Variants in THSD4 observed in about 807,000 individuals in gnomAD.
The protein encoded by THSD4 is thrombospondin type 1 domain containing 4.
Under a neutral mutation model 119.0 loss-of-function variants are expected in THSD4, and 69 were observed. That is an observed-to-expected ratio of 0.58 (90% CI 0.48 to 0.71). The LOEUF (loss-of-function observed/expected upper bound fraction) is 0.71. Ranked by LOEUF, THSD4 falls within the 30% of genes least tolerant of loss-of-function variation. The probability of loss-of-function intolerance (pLI) is 0.00; values close to 1 mark genes in which losing one functional copy is unlikely to be tolerated. For synonymous variants in THSD4, 524 were observed against 540.4 expected (o/e 0.97, Z 0.42); for missense variants, 1,393 against 1,391.1 (o/e 1.00, Z -0.02).
chr15:71,181,811 T>C (rs564101640), intron 3 of THSD4, among the ~76,000 whole-genome samples: 1 of 152,188 alleles, frequency 6.6e-6, no homozygotes, highest in African/African-American at 2.4e-5. Context: ...TCCTCTTCCA[T>C]CAAGGCAGAT....
chr15:71,703,777 G>T (rs1595877034), intron 8 of THSD4, among the ~76,000 whole-genome samples: 1 of 152,180 alleles, frequency 6.6e-6, no homozygotes, highest in Non-Finnish European at 1.5e-5. Flanking sequence ...CCTGTCTCTG[G>T]TGAGGGGCAA....
At chr15:71,406,947 G>T (rs183611608) in intron 6 of THSD4, among the ~76,000 whole-genome samples, 3 of 152,094 alleles carry the variant, frequency 2.0e-5, no homozygotes, top group Non-Finnish European at 4.4e-5. Flanking sequence ...GCCTTCTAAA[G>T]TGTTGGGATT....
At chr15:71,168,690 G>A (rs1335493157) in intron 3 of THSD4, among the ~76,000 whole-genome samples, 2 of 152,174 alleles carry the variant, frequency 1.3e-5, no homozygotes, top group Non-Finnish European at 2.9e-5. Context: ...TGGGTTACAG[G>A]CACTATTAAT....
intron 7 of THSD4, among the ~76,000 whole-genome samples, chr15:71,486,354 G>A (rs752872980): frequency 7.9e-5 from 12 of 152,104 alleles, no homozygotes; most frequent in South Asian, 2.1e-4. Context: ...GAAATTTTCC[G>A]AGGCCCAGCT....
At chr15:71,247,340 A>G (rs1352005497) in intron 5 of THSD4, among the ~76,000 whole-genome samples, 1 of 152,094 alleles carries the variant, frequency 6.6e-6, no homozygotes, top group Non-Finnish European at 1.5e-5. Flanking sequence ...TAAGCATAAC[A>G]TTGACGTTGA....
chr15:71,689,696 C>T (rs560487589), intron 8 of THSD4, among the ~76,000 whole-genome samples: 3 of 152,162 alleles, frequency 2.0e-5, no homozygotes, highest in African/African-American at 7.2e-5. Flanking sequence ...TTTCTGCATC[C>T]ATAAAATGGA....
At chr15:71,659,474 A>G (rs1249434963) in intron 7 of THSD4, among the ~76,000 whole-genome samples, 1 of 152,172 alleles carries the variant, frequency 6.6e-6, no homozygotes, top group African/African-American at 2.4e-5. Context: ...GCTGGAGTAC[A>G]ATGATGCAAT....
chr15:71,500,944 G>C (rs968363543), intron 7 of THSD4, among the ~76,000 whole-genome samples: 1 of 152,140 alleles, frequency 6.6e-6, no homozygotes, highest in African/African-American at 2.4e-5. Context: ...TCTCAAGATC[G>C]TTTTGTCTAT....
At chr15:71,464,476 C>G (rs2047472472) in intron 7 of THSD4, among the ~76,000 whole-genome samples, 1 of 152,158 alleles carries the variant, frequency 6.6e-6, no homozygotes, top group Non-Finnish European at 1.5e-5. Context: ...AGATGCTCAC[C>G]ATCAAGGGTC....
Position 71,627,182 on chromosome 15 carries a change from G to T in THSD4, c.1153-33348G>T, listed in dbSNP as rs527764940. 3.9e-5 allele frequency among the ~76,000 whole-genome samples: 6 copies of T among 152,192 alleles called. 1 individual carries two copies. Among genetic ancestry groups the T allele is most frequent in the Admixed American group, 3.3e-4 (5 of 15,286 alleles). ...TGCTGGGCAGAGGACTGTCAGAATA[G>T]ATGTCTGTGTGAAGGGGAGTTAAAT... On this transcript the variant is annotated intron_variant, in intron 7 of 17. Coordinates refer to ENST00000261862, the MANE Select transcript of THSD4 (RefSeq NM_024817.3).
At chr15:71,255,276 G>C (rs1440420855) in intron 5 of THSD4, among the ~76,000 whole-genome samples, 1 of 152,060 alleles carries the variant, frequency 6.6e-6, no homozygotes, top group South Asian at 2.1e-4. Flanking sequence ...CTTAAACAGA[G>C]TATAGCTTGG....
chr15:71,610,683 A>G (rs1023897913), intron 7 of THSD4, among the ~76,000 whole-genome samples: 5 of 152,206 alleles, frequency 3.3e-5, no homozygotes, highest in African/African-American at 9.6e-5. Context: ...ACATACATAC[A>G]TATTTACTGC....
chr15:71,241,275 T>G (rs1207941422), intron 4 of THSD4, among the ~76,000 whole-genome samples: 1 of 152,256 alleles, frequency 6.6e-6, no homozygotes, highest in Non-Finnish European at 1.5e-5. Context: ...ATCTTAAAAG[T>G]AAGTAAGAGT....
chr15:71,731,171 G>A lies in THSD4; in HGVS notation c.1584G>A (p.Met528Ile). Residue 528 changes from methionine (M) to isoleucine (I), a missense_variant, in exon 10 of 18, where the codon ATG becomes ATA. Met to Ile is a conservative substitution (Grantham distance 10). Transcript: ENST00000261862. ...NPGVHYEYVI[M>I]GTNAISPQVP... Reference sequence around the variant, plus strand: ...GCGTGCACTACGAGTACGTGATCATGGGGACCAACGCCATCAGCCCCCAGG... The same window carrying A: ...GCGTGCACTACGAGTACGTGATCATAGGGACCAACGCCATCAGCCCCCAGG... 1.2e-6 allele frequency: 2 copies of A among 1,614,142 alleles called. No homozygotes were observed. Among genetic ancestry groups the A allele is most frequent in the East Asian group, 4.5e-5 (2 of 44,878 alleles).
At chr15:71,328,797 T>C (rs2045381233) in intron 6 of THSD4, among the ~76,000 whole-genome samples, 1 of 152,244 alleles carries the variant, frequency 6.6e-6, no homozygotes, top group African/African-American at 2.4e-5. Context: ...TAAAAAGTTA[T>C]GGCCCTCTGC....
At chr15:71,186,601 G>A (rs1010366011) in intron 3 of THSD4, 3 of 152,252 alleles carry the variant, frequency 2.0e-5, no homozygotes, top group African/African-American at 7.2e-5. Context: ...TGAGTTCTTA[G>A]TCTTCCAAGC....
intron 7 of THSD4, among the ~76,000 whole-genome samples, chr15:71,518,095 A>G (rs2048386109): frequency 6.6e-6 from 1 of 152,226 alleles, no homozygotes; most frequent in East Asian, 1.9e-4. Context: ...GAAGTGCAAG[A>G]TGCTCTGGGG....
intron 7 of THSD4, among the ~76,000 whole-genome samples, chr15:71,531,043 T>A (rs1180373330): frequency 6.6e-6 from 1 of 151,574 alleles, no homozygotes; most frequent in East Asian, 1.9e-4. Flanking sequence ...CCTGAAGGAG[T>A]GGTCCTTGGC....
At chr15:71,265,815 C>G (rs748395878) in intron 6 of THSD4, among the ~76,000 whole-genome samples, 2 of 152,248 alleles carry the variant, frequency 1.3e-5, no homozygotes, top group Admixed American at 6.5e-5. Context: ...GTTAGTTTTC[C>G]CCTCACAATG....
Sources: gnomAD v4.1 joint callset for allele counts (sites outside exome capture counted in the v4.1 genomes callset) on GRCh38, gnomAD v4.1.1 for gene constraint, MANE v1.5 for transcripts, NCBI Gene and HGNC (gene_info 2026-07-23, HGNC 2026-07-21) for gene names.